Variants in DMXL1 observed in about 807,000 individuals in gnomAD.
The protein encoded by DMXL1 is Dmx like 1.
DMXL1 carries 99 observed loss-of-function variants against 319.2 expected under a neutral mutation model. The observed-to-expected ratio is 0.31, with a 90% confidence interval of 0.26 to 0.37. The LOEUF is 0.37. DMXL1 is among the 10% of genes least tolerant of loss of function. DMXL1 has a pLI of 1.00. For synonymous variants in DMXL1, 1,385 were observed against 1,235.2 expected, an observed-to-expected ratio of 1.12 and a Z score of -2.54; for missense variants, 3,745 against 3,595.6, an observed-to-expected ratio of 1.04 and a Z score of -1.06.
chr5:119,126,113 G>A (rs577105295), intron 9 of DMXL1, among the ~76,000 whole-genome samples: 6 of 152,044 alleles, frequency 3.9e-5, no homozygotes, highest in African/African-American at 9.6e-5. Flanking sequence ...GTGAAACCCC[G>A]TCTCTGCTAA....
chr5:119,231,084 A>T (rs1786630522), intron 38 of DMXL1, among the ~76,000 whole-genome samples: 1 of 152,168 alleles, frequency 6.6e-6, no homozygotes, highest in Non-Finnish European at 1.5e-5. Context: ...CTGCATACCA[A>T]TCAAAAAATG....
chr5:119,166,760 T>C lies in DMXL1; in HGVS notation c.5115T>C (p.Gly1705=). 2.5e-6 allele frequency: 4 copies of C among 1,611,928 alleles called. No individual in the cohort carries two copies. The South Asian group carries it at 3.3e-5, about 13-fold the overall frequency. Residue 1705 remains glycine, a synonymous_variant, in exon 22 of 44, where the codon GGT becomes GGC. Coordinates refer to ENST00000539542, the MANE Select transcript of DMXL1 (RefSeq NM_001290321.3). ...EHSAAFFLLA[G]CLRDAIEVCL... ...CTGCAGCATTTTTTCTTTTAGCTGG[T>C]TGCCTCAGAGATGCAATTGAGGTAA...
chr5:119,155,903 T>C (rs1770941358), intron 19 of DMXL1, among the ~76,000 whole-genome samples: 1 of 151,986 alleles, frequency 6.6e-6, no homozygotes, highest in African/African-American at 2.4e-5. Flanking sequence ...TGTGGTTTCT[T>C]AAGGTGGAAT....
intron 13 of DMXL1, among the ~76,000 whole-genome samples, chr5:119,138,113 A>G (rs967720589): frequency 1.3e-5 from 2 of 152,220 alleles, no homozygotes; most frequent in Non-Finnish European, 2.9e-5. Context: ...TTAGGAACCA[A>G]TTACAGTAGT....
intron 31 of DMXL1, 48 bp downstream of exon 31, chr5:119,196,504 A>C: frequency 8.2e-7 from 1 of 1,215,304 alleles, no homozygotes; most frequent in Non-Finnish European, 1.2e-6. Context: ...CTTTTGACTT[A>C]CTACTCTGTT....
At chr5:119,129,161 C>A (rs542314148) in intron 9 of DMXL1, 50 bp from the exon 10 acceptor site, 1 of 1,140,028 alleles carries the variant, frequency 8.8e-7, no homozygotes, top group South Asian at 1.5e-5. Context: ...ATGGATGTTT[C>A]ATATGCTAGA....
chr5:119,117,378 G>C (rs763548157), intron 7 of DMXL1, among the ~76,000 whole-genome samples: 6 of 152,034 alleles, frequency 3.9e-5, no homozygotes, highest in Non-Finnish European at 7.4e-5. Context: ...TTTTCAACTT[G>C]GCCACACCAT....
chr5:119,211,350 G>A (rs557119656), intron 34 of DMXL1, among the ~76,000 whole-genome samples: 46 of 152,228 alleles, frequency 3.0e-4, no homozygotes, highest in African/African-American at 1.1e-3. Flanking sequence ...GAAGTGTTTG[G>A]TAGAATCCTG....
intron 9 of DMXL1, among the ~76,000 whole-genome samples, chr5:119,121,689 A>G (rs1016398883): frequency 2.9e-4 from 44 of 152,312 alleles, no homozygotes; most frequent in Non-Finnish European, 5.0e-4. Context: ...TTCTCTCTAC[A>G]CAGACACGGC....
intron 1 of DMXL1, among the ~76,000 whole-genome samples, chr5:119,085,141 C>T (rs1036664031): frequency 4.0e-5 from 6 of 151,768 alleles, no homozygotes; most frequent in Non-Finnish European, 5.9e-5. Flanking sequence ...TCACCCTAGC[C>T]AGCATGGTGA....
chr5:119,209,791 C>A (rs1196817646), intron 34 of DMXL1, among the ~76,000 whole-genome samples: 2 of 152,172 alleles, frequency 1.3e-5, no homozygotes, highest in Non-Finnish European at 2.9e-5. Context: ...GTCTATCTTT[C>A]TGCATGAATT....
chr5:119,164,548 G>A lies in DMXL1; in HGVS notation c.4744G>A (p.Ala1582Thr). The change falls in exon 20 of 44, where the codon GCA becomes ACA. Residue 1582 changes from alanine to threonine, a missense_variant. By Grantham distance (58) the Ala-to-Thr change is moderately conservative. Coordinates refer to ENST00000539542, the MANE Select transcript of DMXL1 (RefSeq NM_001290321.3). ...TTTTGCTTGGGCATTTCACTCAGTA[G>A]CAGAAGAAGAACTGCTGAACATGTT... ...SHFAWAFHSVAEEELLNMLPA... is the reference protein window; with the variant it reads ...SHFAWAFHSVTEEELLNMLPA... 2 of 1,614,034 alleles carry A rather than the reference G, an allele frequency of 1.2e-6. No homozygotes were observed. The highest frequency in any genetic ancestry group is 2.2e-5 in the South Asian group (2 of 91,066).
At chr5:119,080,288 A>G (rs1250719929) in intron 1 of DMXL1, among the ~76,000 whole-genome samples, 3 of 152,180 alleles carry the variant, frequency 2.0e-5, no homozygotes, top group Non-Finnish European at 4.4e-5. Context: ...CAGAGGTTGC[A>G]GTGAGCCAAG....
rs1470957370 is a variant in DMXL1 at position 119,071,546 on chromosome 5, C to T, written c.-24C>T. 5 of 1,590,082 alleles carry T rather than the reference C, an allele frequency of 3.1e-6. No individual in the cohort carries two copies. Among genetic ancestry groups the T allele is most frequent in the East Asian group, 4.6e-5 (2 of 43,588 alleles). ...CCGTGGCATGAGCTGGATGCGGTGTCCGTTGCAGGACTAGGGCGCCGACAT... is the reference window on the plus strand; with the variant it reads ...CCGTGGCATGAGCTGGATGCGGTGTTCGTTGCAGGACTAGGGCGCCGACAT... On this transcript the variant is annotated 5_prime_UTR_variant, in exon 1 of 44. Coordinates refer to ENST00000539542, the MANE Select transcript of DMXL1 (RefSeq NM_001290321.3).
In DMXL1 at chr5:119,148,775, G is replaced by A. The variant is rs372852709; in HGVS notation, c.2948G>A (p.Ser983Asn). 1 of 1,613,414 alleles carries A rather than the reference G, an allele frequency of 6.2e-7. No homozygotes were observed. Among genetic ancestry groups the A allele is most frequent in the Non-Finnish European group, 8.5e-7 (1 of 1,179,586 alleles). ...TCATCTTCTATATATCCTGCATGCA[G>A]TGCTCCTTATTTATTGGCAACTTCA... ...LSSSSIYPAC[S>N]APYLLATSCS... The change falls in exon 18 of 44, where the codon AGT becomes AAT. Residue 983 changes from serine (S) to asparagine (N), a missense_variant. By Grantham distance (46) the Ser-to-Asn change is conservative. This residue lies in a region of DMXL1 where 2,096 missense variants were observed against 1,985.4 expected (regional missense o/e 1.06). Transcript: ENST00000539542.
chr5:119,099,928 G>A, intron 2 of DMXL1, among the ~76,000 whole-genome samples: 1 of 152,154 alleles, frequency 6.6e-6, no homozygotes, highest in Non-Finnish European at 1.5e-5. Context: ...TTGAGCCCAG[G>A]AGTTCCAGGC....
intron 1 of DMXL1, among the ~76,000 whole-genome samples, chr5:119,096,885 T>A (rs1756093660): frequency 6.6e-6 from 1 of 152,244 alleles, no homozygotes; most frequent in Non-Finnish European, 1.5e-5. Flanking sequence ...GTGTTAGAAT[T>A]GAGGACTAGA....
chr5:119,123,766 GATT>G lies in DMXL1; in HGVS notation c.1102+2629_1102+2631del, dbSNP rs1762852668. Among the ~76,000 whole-genome samples, 4 of 97,390 alleles carry G rather than the reference GATT, an allele frequency of 4.1e-5. 1 individual carries two copies. The highest frequency in any genetic ancestry group is 4.1e-5 in the Non-Finnish European group (2 of 49,258). 63.9% of individuals were successfully genotyped at this position (97,390 alleles called of 152,430 possible). On this transcript the variant is annotated intron_variant, in intron 9 of 43. Coordinates refer to ENST00000539542, the MANE Select transcript of DMXL1 (RefSeq NM_001290321.3). ...TTGCCTTGGCCTCCCAAAGTGCTGG[GATT>G]ACAGGCGGGAGCCACTGTGCCTGGC...
rs769949051 is a variant in DMXL1 at position 119,165,164 on chromosome 5, C to A, written c.4873-19C>A. ...AAAACTGTTTCTGTGAAATTTTGAT[C>A]AATATTTTTTGATTATAGGTAGCTA... On this transcript the variant is annotated intron_variant, in intron 20 of 43. Transcript: ENST00000539542. 4 of 1,446,932 alleles carry A rather than the reference C, an allele frequency of 2.8e-6. No homozygotes were observed. The highest frequency in any genetic ancestry group is 3.8e-6 in the Non-Finnish European group (4 of 1,045,886). The allele number at this position is 1,446,932 out of a possible 1,614,324, so 89.6% of individuals were successfully genotyped here. A position where few individuals can be genotyped will look rare whatever the true frequency, so the allele number is the denominator to read the frequency against.
Sources: gnomAD v4.1 joint callset for allele counts (sites outside exome capture counted in the v4.1 genomes callset) on GRCh38, gnomAD v4.1.1 for gene constraint, gnomAD v4.1.1 regional missense constraint, MANE v1.5 for transcripts, NCBI Gene and HGNC (gene_info 2026-07-23, HGNC 2026-07-21) for gene names.